Variants in OPCML observed in about 807,000 individuals in gnomAD.
OPCML encodes opioid binding protein/cell adhesion molecule like.
A neutral mutation model predicts 37.8 loss-of-function variants in OPCML; 13 were observed. The observed-to-expected ratio is 0.34, with a 90% confidence interval of 0.22 to 0.55. The LOEUF is 0.55. Ranked by LOEUF, OPCML falls within the 20% of genes least tolerant of loss-of-function variation. The pLI is 0.91. For synonymous variants in OPCML, 176 were observed against 168.8 expected, an observed-to-expected ratio of 1.04 and a Z score of -0.33; for missense variants, 341 against 435.6, an observed-to-expected ratio of 0.78 and a Z score of 1.93.
At chr11:133,261,201 G>A (rs1280091426) in intron 1 of OPCML, among the ~76,000 whole-genome samples, 2 of 152,182 alleles carry the variant, frequency 1.3e-5, no homozygotes, top group African/African-American at 2.4e-5. Flanking sequence ...TGGGACCCAG[G>A]CCTGAGACTA....
chr11:133,277,885 T>C (rs553822536), intron 1 of OPCML, among the ~76,000 whole-genome samples: 2 of 152,112 alleles, frequency 1.3e-5, no homozygotes, highest in East Asian at 3.9e-4. Flanking sequence ...GGGAGGAAAA[T>C]GAGACTAGGA....
chr11:132,612,718 C>G (rs901044164), intron 3 of OPCML, among the ~76,000 whole-genome samples: 3 of 152,160 alleles, frequency 2.0e-5, no homozygotes, highest in African/African-American at 7.2e-5. Flanking sequence ...GGTTGAGGTG[C>G]TGTAGGAAAT....
intron 2 of OPCML, among the ~76,000 whole-genome samples, chr11:132,813,930 A>G (rs1314198752): frequency 6.6e-6 from 1 of 152,202 alleles, no homozygotes; most frequent in Non-Finnish European, 1.5e-5. Context: ...TGCGTTTTAC[A>G]TGCACTAATA....
intron 1 of OPCML, among the ~76,000 whole-genome samples, chr11:133,133,408 T>C (rs903157450): frequency 6.6e-6 from 1 of 152,206 alleles, no homozygotes; most frequent in Non-Finnish European, 1.5e-5. Context: ...CTAAACATTT[T>C]CGTTTCTTCC....
At chr11:133,477,438 G>T (rs1209986176) in intron 1 of OPCML, among the ~76,000 whole-genome samples, 1 of 152,174 alleles carries the variant, frequency 6.6e-6, no homozygotes, top group Admixed American at 6.5e-5. Context: ...GATCCTCAGT[G>T]CACTAGAGGT....
At chr11:132,627,994 A>T (rs573844059) in intron 3 of OPCML, among the ~76,000 whole-genome samples, 1 of 152,292 alleles carries the variant, frequency 6.6e-6, no homozygotes. Flanking sequence ...AGCATATTTA[A>T]ATCTAGGCTG....
At chr11:133,024,514 C>A in intron 1 of OPCML, 2 of 985,332 alleles carry the variant, frequency 2.0e-6, no homozygotes, top group South Asian at 4.7e-5. Context: ...GTTTAAGAAA[C>A]GCTTATTGCC....
intron 1 of OPCML, among the ~76,000 whole-genome samples, chr11:133,425,162 G>A (rs75618406): frequency 0.07 from 10,652 of 152,236 alleles, 1,063 homozygotes; most frequent in African/African-American, 0.22. Context: ...GAGTTCACCA[G>A]TCCTGAACTA....
intron 1 of OPCML, among the ~76,000 whole-genome samples, chr11:133,520,649 T>C (rs1426920641): frequency 6.6e-6 from 1 of 152,176 alleles, no homozygotes; most frequent in Non-Finnish European, 1.5e-5. Context: ...AAAAGAATAT[T>C]CTGCAGCCAA....
chr11:133,280,949 T>C (rs1014904780), intron 1 of OPCML, among the ~76,000 whole-genome samples: 1 of 152,160 alleles, frequency 6.6e-6, no homozygotes, highest in Admixed American at 6.5e-5. Flanking sequence ...CTCATTGTCC[T>C]AACGTTCTTG....
intron 3 of OPCML, among the ~76,000 whole-genome samples, chr11:132,566,971 G>GTT (rs71232598): frequency 0.094 from 13,600 of 144,498 alleles, 766 homozygotes; most frequent in African/African-American, 0.16. Context: ...CATCAGTTAG[G>GTT]TTTTTTTTTT....
chr11:132,495,123 T>C (rs2096227343), intron 4 of OPCML, among the ~76,000 whole-genome samples: 2 of 152,160 alleles, frequency 1.3e-5, no homozygotes, highest in Non-Finnish European at 2.9e-5. Flanking sequence ...TGCACTTAGA[T>C]TATTCTAATT....
intron 1 of OPCML, among the ~76,000 whole-genome samples, chr11:133,187,758 G>T (rs889363095): frequency 3.3e-5 from 5 of 152,148 alleles, no homozygotes; most frequent in African/African-American, 1.2e-4. Flanking sequence ...CATATATTGT[G>T]TACAACTTCT....
intron 1 of OPCML, among the ~76,000 whole-genome samples, chr11:133,140,513 A>AAATAAT (rs377272496): frequency 0.076 from 7,238 of 95,492 alleles, 379 homozygotes; most frequent in Non-Finnish European, 0.085. Flanking sequence ...CTCTGTCTCA[A>AAATAAT]AATAATAATA....
chr11:132,769,872 G>T (rs1038067968), intron 2 of OPCML, among the ~76,000 whole-genome samples: 2 of 152,136 alleles, frequency 1.3e-5, no homozygotes, highest in Non-Finnish European at 2.9e-5. Context: ...CAAGATTCCA[G>T]TCCATTGAGA....
intron 1 of OPCML, among the ~76,000 whole-genome samples, chr11:133,339,179 T>C (rs1943808361): frequency 6.6e-6 from 1 of 152,228 alleles, no homozygotes; most frequent in South Asian, 2.1e-4. Context: ...GATTTTATTA[T>C]TAATAAAAAT....
At chr11:132,826,643 G>C (rs183113905) in intron 2 of OPCML, among the ~76,000 whole-genome samples, 9 of 152,276 alleles carry the variant, frequency 5.9e-5, no homozygotes, top group African/African-American at 2.2e-4. Context: ...AGCTATCAGT[G>C]ATCCACTTGT....
intron 1 of OPCML, among the ~76,000 whole-genome samples, chr11:132,971,085 G>A (rs7951483): frequency 2.0e-5 from 3 of 151,948 alleles, no homozygotes; most frequent in Non-Finnish European, 4.4e-5. Flanking sequence ...CACAGTGACC[G>A]ACTGTCACAA....
rs562252151 is a variant in OPCML at position 132,909,902 on chromosome 11, A to C, written c.146+33024T>G. Among the ~76,000 whole-genome samples the C allele has an allele frequency of 2.5e-3, 386 of 152,354 alleles. 1 individual carries two copies. Among genetic ancestry groups the C allele is most frequent in the Non-Finnish European group, 4.8e-3 (328 of 68,036 alleles). On this transcript the variant is annotated intron_variant, in intron 2 of 7. Coordinates refer to ENST00000524381, the MANE Select transcript of OPCML (RefSeq NM_001012393.5). ...TGTTTTCAGGGTAAATGCTCTGTTA[A>C]ATAACCCTGGATTATTGTGTCGTGT...
Sources: allele counts gnomAD v4.1 joint callset (sites outside exome capture counted in the v4.1 genomes callset), GRCh38; gene constraint gnomAD v4.1.1; transcripts MANE v1.5; gene names NCBI Gene and HGNC (gene_info 2026-07-23, HGNC 2026-07-21).